The following SF3A1 variants were observed in gnomAD, a reference collection of about 807,000 sequenced individuals.
The protein encoded by SF3A1 is SAP 114.
SF3A1 carries 13 observed loss-of-function variants against 89.9 expected under a neutral mutation model. That is an observed-to-expected ratio of 0.14 (90% CI 0.09 to 0.23). The LOEUF (loss-of-function observed/expected upper bound fraction) is 0.23, where lower values mean the gene tolerates loss of function less well. Ranked by LOEUF, SF3A1 falls within the 10% of genes least tolerant of loss-of-function variation. The pLI, the probability that SF3A1 is intolerant of heterozygous loss-of-function variation, is 1.00. For synonymous variants in SF3A1, 405 were observed against 374.4 expected, an observed-to-expected ratio of 1.08 and a Z score of -0.94; for missense variants, 604 against 1,022.1, an observed-to-expected ratio of 0.59 and a Z score of 5.58.
intron 7 of SF3A1, among the ~76,000 whole-genome samples, 197 bp from the exon 8 acceptor site, chr22:30,341,009 C>T (rs1931234094): frequency 6.6e-6 from 1 of 151,944 alleles, no homozygotes; most frequent in African/African-American, 2.4e-5. Context: ...AGTGCTGAGG[C>T]CACGGTCCTA....
Position 30,356,416 on chromosome 22 carries a change from G to A in SF3A1, c.63+314C>T, listed in dbSNP as rs1273392719. Among the ~76,000 whole-genome samples the A allele has an allele frequency of 3.9e-5, 6 of 152,364 alleles. No homozygotes were observed. In the East Asian group the frequency reaches 7.7e-4, roughly 20 times the overall value. ...AGGATGGGCTGGATCAGCGCCTCTC[G>A]CACTTATAAATCAATCACCTTAGGA... On this transcript the variant is annotated intron_variant, in intron 1 of 15. Coordinates refer to ENST00000215793, the MANE Select transcript of SF3A1 (RefSeq NM_005877.6).
chr22:30,339,037 G>A lies in SF3A1; in HGVS notation c.1498-3C>T. On this transcript the variant is annotated splice_polypyrimidine_tract_variant and splice_region_variant and intron_variant, in intron 10 of 15. Coordinates refer to ENST00000215793, the MANE Select transcript of SF3A1 (RefSeq NM_005877.6). ...CCTGAGTGGCCATCCCAGGTCACCT[G>A]CAAGTGAAAGCAAAGCCACAATGCT... 2 of 1,613,948 alleles carry A rather than the reference G, an allele frequency of 1.2e-6. No homozygotes were observed. The highest frequency in any genetic ancestry group is 8.5e-7 in the Non-Finnish European group (1 of 1,179,998).
chr22:30,347,675 G>A (rs1231498990), intron 2 of SF3A1, among the ~76,000 whole-genome samples: 3 of 152,122 alleles, frequency 2.0e-5, no homozygotes, highest in Admixed American at 1.3e-4. Flanking sequence ...GAAAGTACAC[G>A]GACCTTAAAG....
Position 30,356,748 on chromosome 22 carries a change from C to T in SF3A1, c.45G>A (p.Val15=). 1 of 1,492,828 alleles carries T rather than the reference C, an allele frequency of 6.7e-7. No individual in the cohort carries two copies. The highest frequency in any genetic ancestry group is 1.4e-5 in the African/African-American group (1 of 69,608). The allele number at this position is 1,492,828 out of a possible 1,614,324, so 92.5% of individuals were successfully genotyped here. ...PVQAVPPPPP[V]PTEPKQPTEE... ...GAGGTACCTGTTTGGGCTCCGTGGGCACGGGCGGCGGCGGGGGCACCGCCT... is the reference window on the plus strand; with the variant it reads ...GAGGTACCTGTTTGGGCTCCGTGGGTACGGGCGGCGGCGGGGGCACCGCCT... The change falls in exon 1 of 16, where the codon GTG becomes GTA. Residue 15 remains valine (V), a synonymous_variant. Transcript: ENST00000215793.
intron 2 of SF3A1, among the ~76,000 whole-genome samples, chr22:30,350,022 C>A (rs1036660790): frequency 6.6e-6 from 1 of 152,116 alleles, no homozygotes; most frequent in African/African-American, 2.4e-5. Flanking sequence ...TGGAAAGCTA[C>A]TTGGCAAAAT....
chr22:30,338,284 C>T (rs755077070), intron 11 of SF3A1, among the ~76,000 whole-genome samples: 1 of 152,058 alleles, frequency 6.6e-6, no homozygotes, highest in Non-Finnish European at 1.5e-5. Context: ...CACGGAGAAA[C>T]CTCATCTCTA....
At chr22:30,356,516 T>G in intron 1 of SF3A1, 1 of 403,626 alleles carries the variant, frequency 2.5e-6, no homozygotes, top group Non-Finnish European at 4.4e-6. Context: ...TCCCGGCTCG[T>G]GCCGACGGGG....
Position 30,340,307 on chromosome 22 carries a change from C to T in SF3A1, c.1264G>A (p.Ala422Thr). 1.2e-6 allele frequency: 2 copies of T among 1,613,038 alleles called. No homozygotes were observed. Among genetic ancestry groups the T allele is most frequent in the Non-Finnish European group, 8.5e-7 (1 of 1,179,712 alleles). Reference sequence around the variant, plus strand: ...CGCATGTGTTCCTGCATTTTGCTGGCGGGGATCTTCTCCCCAGTAATGGGG... The same window carrying T: ...CGCATGTGTTCCTGCATTTTGCTGGTGGGGATCTTCTCCCCAGTAATGGGG... ...VSPITGEKIP[A>T]SKMQEHMRIG... is the part of the protein sequence containing the mutation. The change falls in exon 9 of 16, where the codon GCC (alanine) becomes ACC (threonine). Residue 422 changes from alanine to threonine, a missense_variant. Physicochemically the swap from Ala to Thr is moderately conservative, Grantham distance 58. This residue lies in a region of SF3A1 where 146 missense variants were observed against 228.5 expected (regional missense o/e 0.64). Coordinates refer to ENST00000215793, the MANE Select transcript of SF3A1 (RefSeq NM_005877.6).
intron 12 of SF3A1, among the ~76,000 whole-genome samples, 166 bp from the exon 13 acceptor site, chr22:30,337,346 C>T (rs1356905216): frequency 6.6e-6 from 1 of 152,164 alleles, no homozygotes; most frequent in Non-Finnish European, 1.5e-5. Context: ...GCAAGGGGAC[C>T]TGGGAGGCTG....
intron 9 of SF3A1, among the ~76,000 whole-genome samples, chr22:30,339,460 A>T (rs1217011509): frequency 6.6e-6 from 1 of 152,198 alleles, no homozygotes; most frequent in Non-Finnish European, 1.5e-5. Flanking sequence ...TCTGACTTAG[A>T]AAAGAACGGT....
intron 2 of SF3A1, 111 bp from the exon 3 acceptor site, chr22:30,346,630 C>T (rs1183594728): frequency 3.4e-5 from 42 of 1,250,514 alleles, no homozygotes; most frequent in Non-Finnish European, 4.5e-6. Context: ...CTCAAACCAG[C>T]CCATCCCTCA....
At position 30,334,345 on chromosome 22, in the gene SF3A1, T is replaced by C. The variant is rs1411612947; in HGVS notation, c.*249A>G. The C allele has an allele frequency of 8.4e-6, 3 of 355,196 alleles. No homozygotes were observed. The highest frequency in any genetic ancestry group is 2.2e-5 in the African/African-American group (1 of 46,228). 22.0% of individuals were successfully genotyped at this position (355,196 alleles called of 1,614,324 possible). On this transcript the variant is annotated 3_prime_UTR_variant, in exon 16 of 16. Transcript: ENST00000215793. ...GCTAATGGGCTGCTGAAGAAATGAA[T>C]GTCCTCAAATCGAGACCCTAACACA...
intron 13 of SF3A1, among the ~76,000 whole-genome samples, chr22:30,336,200 C>T (rs1354526721): frequency 2.6e-5 from 4 of 152,178 alleles, no homozygotes; most frequent in South Asian, 4.2e-4. Context: ...GGTACTTAAG[C>T]GTTTAAGAAA....
At chr22:30,336,753 C>T (rs1321732267) in intron 13 of SF3A1, among the ~76,000 whole-genome samples, 1 of 152,164 alleles carries the variant, frequency 6.6e-6, no homozygotes, top group Non-Finnish European at 1.5e-5. Context: ...GCTGGGTCTC[C>T]CTGTTGGCCT....
chr22:30,340,731 C>G lies in SF3A1; in HGVS notation c.1153G>C (p.Asp385His). ...TAATCCTTGCGGACAATGACTTGGT[C>G]TGGAGTTGGGGGCAGAGGTGGAGGC... ...PMPPPLPPTP[D>H]QVIVRKDYDP... The change falls in exon 8 of 16, where the codon GAC becomes CAC. Residue 385 changes from aspartate (D) to histidine (H), a missense_variant. Coordinates refer to ENST00000215793, the MANE Select transcript of SF3A1 (RefSeq NM_005877.6). 1.9e-6 allele frequency: 3 copies of G among 1,607,682 alleles called. No individual in the cohort carries two copies. Among genetic ancestry groups the G allele is most frequent in the Non-Finnish European group, 2.6e-6 (3 of 1,175,992 alleles).
At chr22:30,349,744 C>T (rs1479017801) in intron 2 of SF3A1, among the ~76,000 whole-genome samples, 1 of 150,532 alleles carries the variant, frequency 6.6e-6, no homozygotes, top group East Asian at 1.9e-4. Context: ...ATACCCTTGA[C>T]CTCTCAGGCT....
At chr22:30,338,012 C>G in intron 11 of SF3A1, 115 bp from the exon 12 acceptor site, 2 of 765,252 alleles carry the variant, frequency 2.6e-6, no homozygotes, top group Non-Finnish European at 4.6e-6. Context: ...CAACTACGTC[C>G]TGGCCCCCTG....
intron 2 of SF3A1, chr22:30,352,745 C>T: frequency 2.1e-6 from 1 of 486,230 alleles, no homozygotes; most frequent in East Asian, 3.4e-5. Context: ...GACTGTGGGG[C>T]TAAGTGTGAT....
At chr22:30,356,667 G>T in intron 1 of SF3A1, 63 bp downstream of exon 1, 1 of 1,279,690 alleles carries the variant, frequency 7.8e-7, no homozygotes, top group Non-Finnish European at 1.0e-6. Context: ...GCTTATTCCT[G>T]TGCGAGTAAG....
Sources: allele counts gnomAD v4.1 joint callset (sites outside exome capture counted in the v4.1 genomes callset), GRCh38; gene constraint gnomAD v4.1.1; regional missense constraint gnomAD v4.1.1; transcripts MANE v1.5; gene names NCBI Gene and HGNC (gene_info 2026-07-23, HGNC 2026-07-21).